MOXD1: variants seen among roughly 807,000 people sequenced by gnomAD.
MOXD1 encodes DBH-like monooxygenase protein 1.
MOXD1 carries 62 observed loss-of-function variants against 66.6 expected under a neutral mutation model. That is an observed-to-expected ratio of 0.93 (90% CI 0.76 to 1.15). The LOEUF (loss-of-function observed/expected upper bound fraction) is 1.15, where lower values mean the gene tolerates loss of function less well. MOXD1 is among the 50% of genes most tolerant of loss of function. The pLI, the probability that MOXD1 is intolerant of heterozygous loss-of-function variation, is 0.00. For synonymous variants in MOXD1, 303 were observed against 281.9 expected (o/e 1.07, Z -0.75); for missense variants, 847 against 754.6 (o/e 1.12, Z -1.44).
chr6:132,310,221 T>G (rs942107787), intron 10 of MOXD1, among the ~76,000 whole-genome samples: 4 of 152,132 alleles, frequency 2.6e-5, no homozygotes, highest in Non-Finnish European at 4.4e-5. Context: ...AAGAAGACAT[T>G]TATGTGGCCA....
In MOXD1 at chr6:132,349,364, CAT is replaced by C. The variant is rs370934846; in HGVS notation, c.664-20772_664-20771del. ...CATCATATATATAGATATATTCCAT[CAT>C]ATATATATATACATGTATATATATA... On this transcript the variant is annotated intron_variant, in intron 4 of 11. Coordinates refer to ENST00000367963, the MANE Select transcript of MOXD1 (RefSeq NM_015529.4). 3.4e-5 allele frequency among the ~76,000 whole-genome samples: 3 copies of C among 89,164 alleles called. 1 individual carries two copies. The highest frequency in any genetic ancestry group is 9.8e-5 in the African/African-American group (2 of 20,440). The allele number at this position is 89,164 out of a possible 152,430, so 58.5% of individuals were successfully genotyped here. A position where few individuals can be genotyped will look rare whatever the true frequency, so the allele number is the denominator to read the frequency against.
At chr6:132,351,892 C>T (rs1775809261) in intron 4 of MOXD1, among the ~76,000 whole-genome samples, 1 of 152,112 alleles carries the variant, frequency 6.6e-6, no homozygotes, top group African/African-American at 2.4e-5. Flanking sequence ...TTATCCATCT[C>T]TTCTAGGTTT....
intron 10 of MOXD1, among the ~76,000 whole-genome samples, chr6:132,309,631 C>A (rs1452561120): frequency 6.6e-6 from 1 of 152,134 alleles, no homozygotes; most frequent in African/African-American, 2.4e-5. Context: ...TACTACAAGG[C>A]TACAGTAACT....
At chr6:132,374,947 C>G (rs986944773) in intron 1 of MOXD1, 170 bp from the exon 2 acceptor site, 8 of 653,094 alleles carry the variant, frequency 1.2e-5, no homozygotes, top group Non-Finnish European at 2.1e-5. Flanking sequence ...GGAAACTAGT[C>G]CATCTTTGAA....
At chr6:132,307,054 C>T (rs1448121422) in intron 10 of MOXD1, among the ~76,000 whole-genome samples, 1 of 152,034 alleles carries the variant, frequency 6.6e-6, no homozygotes, top group East Asian at 1.9e-4. Context: ...CTAAAGGCCC[C>T]AATTAAAAGA....
At chr6:132,347,189 C>T (rs1050249558) in intron 4 of MOXD1, among the ~76,000 whole-genome samples, 10 of 152,108 alleles carry the variant, frequency 6.6e-5, no homozygotes, top group Non-Finnish European at 1.2e-4. Flanking sequence ...GAAATTAACA[C>T]GTATTCTTAG....
At chr6:132,301,225 A>T (rs1774530014) in intron 10 of MOXD1, among the ~76,000 whole-genome samples, 1 of 148,578 alleles carries the variant, frequency 6.7e-6, no homozygotes, top group Non-Finnish European at 1.5e-5. Context: ...TATATATATT[A>T]CTGTAGTCAA....
chr6:132,349,018 A>G (rs1775728017), intron 4 of MOXD1, among the ~76,000 whole-genome samples: 1 of 151,610 alleles, frequency 6.6e-6, no homozygotes, highest in African/African-American at 2.4e-5. Context: ...GGGCACAGGT[A>G]GTATTTGGTT....
intron 1 of MOXD1, among the ~76,000 whole-genome samples, chr6:132,398,184 T>C (rs1266716723): frequency 6.6e-6 from 1 of 152,200 alleles, no homozygotes; most frequent in African/African-American, 2.4e-5. Flanking sequence ...TCACTTAAGT[T>C]AATGGCCTCC....
intron 7 of MOXD1, among the ~76,000 whole-genome samples, chr6:132,323,475 C>G (rs1396045330): frequency 1.3e-5 from 2 of 152,030 alleles, no homozygotes; most frequent in Non-Finnish European, 2.9e-5. Flanking sequence ...ATTGTCATTA[C>G]TAAATATACT....
chr6:132,301,674 C>T (rs9388972), intron 10 of MOXD1, among the ~76,000 whole-genome samples: 70,281 of 151,898 alleles, frequency 0.46, 18,077 homozygotes, highest in East Asian at 0.69. Context: ...ACACACTCTC[C>T]ATCCATCAAG....
At chr6:132,300,471 C>T (rs923670082) in intron 10 of MOXD1, among the ~76,000 whole-genome samples, 1 of 151,934 alleles carries the variant, frequency 6.6e-6, no homozygotes, top group African/African-American at 2.4e-5. Flanking sequence ...ATTTTATAAC[C>T]AGATAAATGC....
At position 132,324,860 on chromosome 6, in the gene MOXD1, C is replaced by T. The variant is rs557925089; in HGVS notation, c.947-763G>A. On this transcript the variant is annotated intron_variant, in intron 6 of 11. Coordinates refer to ENST00000367963, the MANE Select transcript of MOXD1 (RefSeq NM_015529.4). The stretch of plus-strand genomic sequence containing the variant: ...GTTTCCTTTCTTGTCTCATTTAAAT[C>T]AATCAGCTTAATCTATTTCTAGTCA... Among the ~76,000 whole-genome samples, 49 of 151,928 alleles carry T rather than the reference C, an allele frequency of 3.2e-4. No individual in the cohort carries two copies. In the South Asian group the frequency reaches 9.4e-3, roughly 29 times the overall value.
intron 1 of MOXD1, among the ~76,000 whole-genome samples, chr6:132,390,169 G>C (rs1291207829): frequency 6.6e-6 from 1 of 151,430 alleles, no homozygotes; most frequent in Non-Finnish European, 1.5e-5. Context: ...ATAGAAAAGA[G>C]AGCTCATGCG....
In MOXD1 at chr6:132,297,138, C is replaced by A. The variant is rs755881550; in HGVS notation, c.*15G>T. The A allele has an allele frequency of 1.9e-6, 3 of 1,611,630 alleles. No individual in the cohort carries two copies. The East Asian group carries it at 6.7e-5, about 36-fold the overall frequency. ...CAGATCATAGAAAACATTGTCAAGT[C>A]CAACAGAATTTTGATCACAAGCTCT... is the stretch of plus-strand genomic sequence containing the variant. On this transcript the variant is annotated 3_prime_UTR_variant, in exon 12 of 12. Transcript: ENST00000367963.
intron 6 of MOXD1, among the ~76,000 whole-genome samples, chr6:132,324,623 A>T (rs944902793): frequency 9.9e-5 from 15 of 152,196 alleles, no homozygotes; most frequent in Admixed American, 9.2e-4. Flanking sequence ...CAGCCATTCA[A>T]TCAACACACA....
chr6:132,383,920 A>C (rs1435241844), intron 1 of MOXD1, among the ~76,000 whole-genome samples: 1 of 152,006 alleles, frequency 6.6e-6, no homozygotes, highest in African/African-American at 2.4e-5. Context: ...AAATACAAAA[A>C]TTAGCCGGTT....
chr6:132,397,771 T>C lies in MOXD1; in HGVS notation c.264+3392A>G, dbSNP rs148545772. Among the ~76,000 whole-genome samples, 430 of 152,264 alleles carry C rather than the reference T, an allele frequency of 2.8e-3. 3 individuals are homozygous for C. The highest frequency in any genetic ancestry group is 9.9e-3 in the African/African-American group (413 of 41,552). On this transcript the variant is annotated intron_variant, in intron 1 of 11. Coordinates refer to ENST00000367963, the MANE Select transcript of MOXD1 (RefSeq NM_015529.4). ...AAAGAACAAACAGAAGATCTGGCAA[T>C]ACTGAATTTACATTCCTTTTTAACA... is the stretch of plus-strand genomic sequence containing the variant.
intron 1 of MOXD1, among the ~76,000 whole-genome samples, chr6:132,385,501 A>ATTATTATTATTATTATTT (rs1554237945): frequency 3.4e-4 from 42 of 125,328 alleles, no homozygotes; most frequent in African/African-American, 1.2e-3. Context: ...TATTATTATT[A>ATTATTATTATTATTATTT]GAGACACAGT....
Sources: allele counts gnomAD v4.1 joint callset (sites outside exome capture counted in the v4.1 genomes callset), GRCh38; gene constraint gnomAD v4.1.1; transcripts MANE v1.5; gene names NCBI Gene and HGNC (gene_info 2026-07-23, HGNC 2026-07-21).